MYO18B: variants seen among roughly 807,000 people sequenced by gnomAD.
The protein encoded by MYO18B is unconventional myosin-XVIIIb.
MYO18B carries 204 observed loss-of-function variants against 273.0 expected under a neutral mutation model. The observed-to-expected ratio is 0.75, with a 90% CI of 0.67 to 0.84. The LOEUF (loss-of-function observed/expected upper bound fraction) is 0.84, where lower values mean the gene tolerates loss of function less well. MYO18B is among the 40% of genes least tolerant of loss of function. The pLI, the probability that MYO18B is intolerant of heterozygous loss-of-function variation, is 0.00. For synonymous variants in MYO18B, 1,330 were observed against 1,305.7 expected (o/e 1.02, Z -0.40); for missense variants, 3,212 against 3,287.6 (o/e 0.98, Z 0.56).
intron 40 of MYO18B, among the ~76,000 whole-genome samples, chr22:25,992,762 T>C (rs1480928172): frequency 1.3e-5 from 2 of 152,210 alleles, no homozygotes; most frequent in Non-Finnish European, 2.9e-5. Context: ...GCGTATGGTC[T>C]TCTACAAGTT....
At chr22:26,025,741 C>T (rs763156488) in intron 42 of MYO18B, among the ~76,000 whole-genome samples, 57 of 152,004 alleles carry the variant, frequency 3.7e-4, no homozygotes, top group Non-Finnish European at 1.2e-4. Flanking sequence ...ATTTTACAGT[C>T]TATAATTTGG....
chr22:25,989,626 C>CAAAA (rs56004208), intron 39 of MYO18B, among the ~76,000 whole-genome samples: 3 of 88,590 alleles, frequency 3.4e-5, no homozygotes, highest in Admixed American at 2.6e-4. Flanking sequence ...ACTAAAAATA[C>CAAAA]AAAAAAAAAA....
At chr22:25,954,438 T>TAA (rs59409717) in intron 38 of MYO18B, among the ~76,000 whole-genome samples, 5 of 143,530 alleles carry the variant, frequency 3.5e-5, no homozygotes, top group African/African-American at 1.0e-4. Context: ...TAGGAGCTGC[T>TAA]AAAAAAAAAA....
chr22:26,044,650 G>T, the MYO18B span, among the ~76,000 whole-genome samples: 1 of 152,152 alleles, frequency 6.6e-6, no homozygotes, highest in Admixed American at 6.5e-5. Context: ...CTACTTCTTT[G>T]TTCCATAAAT....
At chr22:25,910,457 AG>A (rs879626411) in intron 32 of MYO18B, among the ~76,000 whole-genome samples, 63 of 152,260 alleles carry the variant, frequency 4.1e-4, no homozygotes, top group Middle Eastern at 6.8e-3. Context: ...CACTGCACTG[AG>A]GGTTAGGGTT....
Position 26,018,041 on chromosome 22 carries a change from A to G in MYO18B, c.6471-8404A>G, listed in dbSNP as rs539966544. Among the ~76,000 whole-genome samples, 57 of 142,784 alleles carry G rather than the reference A, an allele frequency of 4.0e-4. No individual in the cohort carries two copies. In the South Asian group the frequency reaches 0.012, roughly 31 times the overall value. The allele number at this position is 142,784 out of a possible 152,430, so 93.7% of individuals were successfully genotyped here. ...AGGGGTGACTTGAATGGGCAACTCT[A>G]TGCAAAAATCACTGACCTTAGTCCC... On this transcript the variant is annotated intron_variant, in intron 42 of 43. Transcript: ENST00000335473.
chr22:25,878,238 G>T (rs1412586464), intron 25 of MYO18B, among the ~76,000 whole-genome samples, 190 bp downstream of exon 25: 1 of 152,152 alleles, frequency 6.6e-6, no homozygotes, highest in Non-Finnish European at 1.5e-5. Flanking sequence ...GGGATATTAA[G>T]TATCTTCCTC....
rs540723737 is a variant in MYO18B, at chr22:25,944,813, C to T, written c.5518-1324C>T. Among the ~76,000 whole-genome samples the T allele has an allele frequency of 9.4e-5, 14 of 148,852 alleles. No homozygotes were observed. In the South Asian group the frequency reaches 3.0e-3, roughly 32 times the overall value. On this transcript the variant is annotated intron_variant, in intron 34 of 43. Transcript: ENST00000335473. ...AGTGAGCTGAGATCGTGGCACTGCACTCCATCGTGGGCGACAGAGCAAGAC... is the reference window on the plus strand; with the variant it reads ...AGTGAGCTGAGATCGTGGCACTGCATTCCATCGTGGGCGACAGAGCAAGAC...
chr22:25,895,600 A>G, intron 28 of MYO18B: 1 of 211,390 alleles, frequency 4.7e-6, no homozygotes, highest in Non-Finnish European at 9.6e-6. Context: ...TTTCTTATCT[A>G]TTACATAATT....
At chr22:25,767,687 C>T (rs1008334862) in intron 3 of MYO18B, among the ~76,000 whole-genome samples, 1 of 152,228 alleles carries the variant, frequency 6.6e-6, no homozygotes, top group Non-Finnish European at 1.5e-5. Context: ...ACAGTAGTAG[C>T]AGCAGCTACT....
chr22:25,745,389 C>T (rs1229317491), intron 1 of MYO18B, among the ~76,000 whole-genome samples: 1 of 152,000 alleles, frequency 6.6e-6, no homozygotes, highest in Non-Finnish European at 1.5e-5. Context: ...GGATTACAGG[C>T]GTGGAACCAC....
At chr22:25,938,746 TA>T (rs1406372549) in intron 34 of MYO18B, among the ~76,000 whole-genome samples, 1 of 152,234 alleles carries the variant, frequency 6.6e-6, no homozygotes, top group Non-Finnish European at 1.5e-5. Context: ...AAATAATTGT[TA>T]CTCTGTCACA....
At chr22:26,014,143 T>C (rs894966730) in intron 42 of MYO18B, among the ~76,000 whole-genome samples, 2 of 152,240 alleles carry the variant, frequency 1.3e-5, no homozygotes, top group East Asian at 1.9e-4. Context: ...TATATCTAGA[T>C]ACACAATGCA....
chr22:25,820,080 C>T (rs550250183), intron 12 of MYO18B, among the ~76,000 whole-genome samples: 3 of 320 alleles, frequency 9.4e-3, no homozygotes, highest in Admixed American at 0.042. Context: ...TCACTATCAT[C>T]ATCACTGTCA....
At chr22:25,867,779 G>A (rs913822981) in intron 21 of MYO18B, among the ~76,000 whole-genome samples, 7 of 152,002 alleles carry the variant, frequency 4.6e-5, no homozygotes, top group African/African-American at 9.7e-5. Flanking sequence ...ACAGGCGCCC[G>A]CCACCATGCC....
chr22:25,758,922 T>A (rs546962667), intron 1 of MYO18B, among the ~76,000 whole-genome samples: 1 of 152,130 alleles, frequency 6.6e-6, no homozygotes, highest in African/African-American at 2.4e-5. Flanking sequence ...GCCCGGCTAA[T>A]TTTTTGTATT....
chr22:25,826,442 G>C lies in MYO18B; in HGVS notation c.2729G>C (p.Gly910Ala), dbSNP rs751555101. Residue 910 changes from glycine (G) to alanine (A), a missense_variant, in exon 14 of 44, where the codon GGG (glycine) becomes GCG (alanine). Transcript: ENST00000335473. ...LKMTGVDCVE[G>A]MASGLYQELF... ...ATGACAGGAGTGGACTGTGTGGAGG[G>C]GATGGCCTCGGGCCTGTACCAGGAA... 1.9e-6 allele frequency: 3 copies of C among 1,613,794 alleles called. No homozygotes were observed. The highest frequency in any genetic ancestry group is 3.3e-5 in the Admixed American group (2 of 59,998).
intron 15 of MYO18B, among the ~76,000 whole-genome samples, chr22:25,829,988 TCC>T (rs996877234): frequency 6.6e-6 from 1 of 152,168 alleles, no homozygotes; most frequent in African/African-American, 2.4e-5. Flanking sequence ...TATTTTCAGT[TCC>T]CCATATGACT....
At chr22:25,774,645 C>T (rs2145622762) in intron 7 of MYO18B, among the ~76,000 whole-genome samples, 1 of 152,332 alleles carries the variant, frequency 6.6e-6, no homozygotes, top group East Asian at 1.9e-4. Flanking sequence ...CCACAGCCAC[C>T]TCCTGTCCTT....
Sources: allele counts gnomAD v4.1 joint callset (sites outside exome capture counted in the v4.1 genomes callset), GRCh38; gene constraint gnomAD v4.1.1; transcripts MANE v1.5; gene names NCBI Gene and HGNC (gene_info 2026-07-23, HGNC 2026-07-21).